TLE2: variants seen among roughly 807,000 people sequenced by gnomAD.
The protein encoded by TLE2 is TLE family member 2, transcriptional corepressor.
TLE2 carries 74 observed loss-of-function variants against 97.2 expected under a neutral mutation model. The ratio of observed to expected loss-of-function variants is 0.76; its 90% CI spans 0.63 to 0.92. The LOEUF (loss-of-function observed/expected upper bound fraction) is 0.92, where lower values mean the gene tolerates loss of function less well. Among genes scored for constraint, TLE2 ranks in the 40% least tolerant of loss-of-function variants. The probability of loss-of-function intolerance (pLI) is 0.00; values close to 1 mark genes in which losing one functional copy is unlikely to be tolerated. For missense variants in TLE2, 1,038 were observed against 1,008.7 expected (o/e 1.03, Z -0.39); for synonymous variants, 499 against 432.1 (o/e 1.15, Z -1.92).
At position 3,002,488 on chromosome 19, in the gene TLE2, G is replaced by A. The variant is rs373671522; in HGVS notation, c.1912C>T (p.His638Tyr). The A allele has an allele frequency of 7.0e-6, 11 of 1,579,386 alleles. No individual in the cohort carries two copies. The highest frequency in any genetic ancestry group is 5.4e-5 in the African/African-American group (4 of 74,124). ...DFSSQIFSLG[H>Y]CPNQDWLAVG... ...GCCAGCCAGTCCTGGTTAGGGCAGTGGCCCAGGGAGAAAATCTGGGGGTAA... is the reference window on the plus strand; with the variant it reads ...GCCAGCCAGTCCTGGTTAGGGCAGTAGCCCAGGGAGAAAATCTGGGGGTAA... The change falls in exon 18 of 20, where the codon CAC becomes TAC. Residue 638 changes from histidine (H) to tyrosine (Y), a missense_variant. Coordinates refer to ENST00000262953, the MANE Select transcript of TLE2 (RefSeq NM_003260.5).
At chr19:3,023,056 C>CTTT (rs35202557) in intron 5 of TLE2, among the ~76,000 whole-genome samples, 4 of 135,438 alleles carry the variant, frequency 3.0e-5, no homozygotes, top group Non-Finnish European at 4.7e-5. Flanking sequence ...TTTACCTAAT[C>CTTT]TTTTTTTTTT....
At chr19:3,046,216 C>T (rs1309233231), upstream of TLE2, among the ~76,000 whole-genome samples, 1 of 152,188 alleles carries the variant, frequency 6.6e-6, no homozygotes, top group African/African-American at 2.4e-5. Flanking sequence ...GGGAAGAGAG[C>T]GGGATCATTT....
At chr19:3,037,453 CAG>C (rs895482726) in intron 1 of TLE2, among the ~76,000 whole-genome samples, 1 of 152,242 alleles carries the variant, frequency 6.6e-6, no homozygotes, top group African/African-American at 2.4e-5. Context: ...TTTCCTGTGA[CAG>C]AGTGAGCCTT....
In TLE2 at chr19:2,998,275, G is replaced by GTGTGTGTGTGTGTGTA. The variant is rs796339147; in HGVS notation, c.2125-321_2125-320insTACACACACACACACA. ...TGTGTGTGTGTGTGTGTGTGTGTGT[G>GTGTGTGTGTGTGTGTA]TAATTTTTTTTTTTTTTTGTGAGAC... On this transcript the variant is annotated intron_variant, in intron 19 of 19. Coordinates refer to ENST00000262953, the MANE Select transcript of TLE2 (RefSeq NM_003260.5). Among the ~76,000 whole-genome samples, 549 of 110,312 alleles carry GTGTGTGTGTGTGTGTA rather than the reference G, an allele frequency of 5.0e-3. 14 individuals are homozygous for GTGTGTGTGTGTGTGTA. The highest frequency in any genetic ancestry group is 0.015 in the African/African-American group (521 of 35,750). 72.4% of individuals were successfully genotyped at this position (110,312 alleles called of 152,430 possible). A position where few individuals can be genotyped will look rare whatever the true frequency, so the allele number is the denominator to read the frequency against.
At chr19:3,043,734 C>T (rs555671195) in intron 1 of TLE2, among the ~76,000 whole-genome samples, 4 of 151,680 alleles carry the variant, frequency 2.6e-5, no homozygotes, top group East Asian at 1.9e-4. Flanking sequence ...GGCGTGAACC[C>T]GGGAGGTGGA....
chr19:3,000,624 G>C lies in TLE2; in HGVS notation c.2124+23C>G, dbSNP rs547759793. Reference sequence around the variant, plus strand: ...CCCGGGCACATGGCCCTGCCAGAGTGGGGGCTCCAGACCGCCGAGTACCTG... The same window carrying C: ...CCCGGGCACATGGCCCTGCCAGAGTCGGGGCTCCAGACCGCCGAGTACCTG... On this transcript the variant is annotated intron_variant, in intron 19 of 19. Coordinates refer to ENST00000262953, the MANE Select transcript of TLE2 (RefSeq NM_003260.5). 2.0e-5 allele frequency: 31 copies of C among 1,564,498 alleles called. No individual in the cohort carries two copies. The African/African-American group carries it at 3.7e-4, about 19-fold the overall frequency.
In TLE2 at chr19:2,997,981, G is replaced by A. The variant is rs748636424; in HGVS notation, c.2125-26C>T. Reference sequence around the variant, plus strand: ...CTGCCAAGGGAAGGGAGAGAGAAAAGGGCACAGTGAGGCATGGTCCCCACA... The same window carrying A: ...CTGCCAAGGGAAGGGAGAGAGAAAAAGGCACAGTGAGGCATGGTCCCCACA... On this transcript the variant is annotated intron_variant, in intron 19 of 19. Transcript: ENST00000262953. The A allele has an allele frequency of 1.9e-6, 3 of 1,557,300 alleles. No individual in the cohort carries two copies. The African/African-American group carries it at 4.1e-5, about 21-fold the overall frequency.
intron 17 of TLE2, among the ~76,000 whole-genome samples, chr19:3,004,524 AGCTACTCAGGTGGCT>A (rs2089432632): frequency 6.6e-6 from 1 of 151,274 alleles, no homozygotes; most frequent in Non-Finnish European, 1.5e-5. Flanking sequence ...CTGTAGTCCC[AGCTACTCAGGTGGCT>A]GAGGCACAAG....
chr19:2,999,308 C>T (rs749113176), intron 19 of TLE2, among the ~76,000 whole-genome samples: 44 of 151,826 alleles, frequency 2.9e-4, no homozygotes, highest in Admixed American at 1.1e-3. Context: ...ACTGTACCAA[C>T]CAGGACGGGC....
intron 11 of TLE2, among the ~76,000 whole-genome samples, chr19:3,012,431 G>A (rs926877385): frequency 1.3e-5 from 2 of 152,148 alleles, no homozygotes; most frequent in Non-Finnish European, 2.9e-5. Context: ...TGCCCAGGCT[G>A]GTCTCCAACT....
chr19:3,010,046 T>C (rs1293944023), intron 12 of TLE2, among the ~76,000 whole-genome samples: 3 of 151,782 alleles, frequency 2.0e-5, no homozygotes, highest in Admixed American at 6.6e-5. Flanking sequence ...CTTCTTTTAA[T>C]TGGCAAACTC....
chr19:3,019,612 A>C lies in TLE2; in HGVS notation c.369+87T>G, dbSNP rs1784314801. 6.5e-7 allele frequency: 1 copy of C among 1,539,654 alleles called. No homozygotes were observed. Among genetic ancestry groups the C allele is most frequent in the Non-Finnish European group, 8.8e-7 (1 of 1,139,444 alleles). On this transcript the variant is annotated intron_variant, in intron 6 of 19. Coordinates refer to ENST00000262953, the MANE Select transcript of TLE2 (RefSeq NM_003260.5). This position sits in a 1 kb window ranked among gnomAD's most constrained non-coding sequence, Gnocchi z 5.1. ...CCACTGGAGCCAAGGCCCACACACC[A>C]CCCCAGCTTTAACACCTCCTGGGTG...
chr19:3,020,227 C>T, intron 5 of TLE2: 1 of 169,700 alleles, frequency 5.9e-6, no homozygotes, highest in Non-Finnish European at 1.3e-5. Flanking sequence ...CAGAGCGAGA[C>T]TCTGTCTCAA....
chr19:3,017,772 C>T (rs2089744048), intron 8 of TLE2, 68 bp downstream of exon 8: 4 of 1,480,064 alleles, frequency 2.7e-6, no homozygotes, highest in South Asian at 1.2e-5. Flanking sequence ...TCTGAGGCCC[C>T]CATCAGCTCA....
At chr19:3,042,039 C>CCGACAGG (rs2090107310) in intron 1 of TLE2, among the ~76,000 whole-genome samples, 1 of 151,760 alleles carries the variant, frequency 6.6e-6, no homozygotes, top group Non-Finnish European at 1.5e-5. Flanking sequence ...AGCGTGTTCC[C>CCGACAGG]CGACAGGCCC....
At chr19:3,013,917 G>T in intron 10 of TLE2, 99 bp from the exon 11 acceptor site, 1 of 1,195,958 alleles carries the variant, frequency 8.4e-7, no homozygotes, top group Non-Finnish European at 1.1e-6. Context: ...TCTCTAGAAT[G>T]GGTACCCATG....
Position 3,019,177 on chromosome 19 carries a change from C to T in TLE2, c.550+106G>A. ...CCTCCCAAATTGTTGGGATTATAGG[C>T]ATGAGCCACTTCATCCCCTCACGCT... On this transcript the variant is annotated intron_variant, in intron 7 of 19. Coordinates refer to ENST00000262953, the MANE Select transcript of TLE2 (RefSeq NM_003260.5). The surrounding 1 kb of genome is among the most constrained non-coding windows in gnomAD (Gnocchi z 5.1). 1.4e-6 allele frequency: 2 copies of T among 1,442,922 alleles called. No homozygotes were observed. The highest frequency in any genetic ancestry group is 1.9e-6 in the Non-Finnish European group (2 of 1,077,508). The allele number at this position is 1,442,922 out of a possible 1,614,324, so 89.4% of individuals were successfully genotyped here. A position where few individuals can be genotyped will look rare whatever the true frequency, so the allele number is the denominator to read the frequency against.
chr19:3,034,566 C>G (rs1275333205), intron 1 of TLE2, among the ~76,000 whole-genome samples: 1 of 151,588 alleles, frequency 6.6e-6, no homozygotes, highest in Non-Finnish European at 1.5e-5. Context: ...TTCCCTCCCC[C>G]TCCTTTTATG....
chr19:3,046,495 G>T (rs2090141984), upstream of TLE2, among the ~76,000 whole-genome samples: 1 of 152,218 alleles, frequency 6.6e-6, no homozygotes, highest in South Asian at 2.1e-4. Flanking sequence ...CTGGAGGCCA[G>T]AGCCTGGCCC....
Sources: allele counts gnomAD v4.1 joint callset (sites outside exome capture counted in the v4.1 genomes callset), GRCh38; gene constraint gnomAD v4.1.1; non-coding constraint Gnocchi (gnomAD v3.1); transcripts MANE v1.5; gene names NCBI Gene and HGNC (gene_info 2026-07-23, HGNC 2026-07-21).